RAPGEF5: variants seen among roughly 807,000 people sequenced by gnomAD.
RAPGEF5 encodes the protein Rap guanine nucleotide exchange factor 5.
Under a neutral mutation model 125.2 loss-of-function variants are expected in RAPGEF5, and 65 were observed. That is an observed-to-expected ratio of 0.52 (90% confidence interval 0.43 to 0.64). The LOEUF is 0.64. Among genes scored for constraint, RAPGEF5 ranks in the 30% least tolerant of loss-of-function variants. RAPGEF5 has a pLI of 0.00. For synonymous variants in RAPGEF5, 391 were observed against 385.9 expected, an observed-to-expected ratio of 1.01 and a Z score of -0.16; for missense variants, 958 against 1,048.1, an observed-to-expected ratio of 0.91 and a Z score of 1.19.
chr7:22,297,887 G>C lies in RAPGEF5; in HGVS notation c.681-6646C>G, dbSNP rs912828530. 2.0e-5 allele frequency among the ~76,000 whole-genome samples: 3 copies of C among 152,128 alleles called. No homozygotes were observed. In the South Asian group the frequency reaches 6.2e-4, roughly 32 times the overall value. On this transcript the variant is annotated intron_variant, in intron 5 of 25. Transcript: ENST00000665637. ...CCATTAAGTATGATGCAAGCTATGG[G>C]TTTTGTATAAAGTCTTATCAGATTG...
At chr7:22,244,712 C>G (rs1396806162) in intron 7 of RAPGEF5, among the ~76,000 whole-genome samples, 1 of 152,134 alleles carries the variant, frequency 6.6e-6, no homozygotes, top group Admixed American at 6.6e-5. Context: ...CCCCCTACCC[C>G]AGTCCGTAGA....
intron 5 of RAPGEF5, among the ~76,000 whole-genome samples, chr7:22,297,541 C>T (rs895075527): frequency 6.6e-6 from 1 of 152,160 alleles, no homozygotes. Context: ...AGATTAAAGG[C>T]CATGAATATA....
At chr7:22,291,386 A>G in intron 5 of RAPGEF5, 145 bp from the exon 6 acceptor site, 2 of 1,319,886 alleles carry the variant, frequency 1.5e-6, no homozygotes, top group South Asian at 1.6e-5. Context: ...TGTGACAGTA[A>G]CTCCATAGGA....
intron 5 of RAPGEF5, among the ~76,000 whole-genome samples, chr7:22,297,936 T>C (rs1385342712): frequency 1.3e-5 from 2 of 152,152 alleles, no homozygotes; most frequent in Non-Finnish European, 2.9e-5. Context: ...ATATTTCTAT[T>C]TTTCTGAGAA....
At chr7:22,210,819 G>T (rs1199498795) in intron 9 of RAPGEF5, among the ~76,000 whole-genome samples, 1 of 152,022 alleles carries the variant, frequency 6.6e-6, no homozygotes, top group Non-Finnish European at 1.5e-5. Context: ...ATGTAGGAGG[G>T]AAATGCTGGA....
chr7:22,316,221 T>C (rs530482765), intron 2 of RAPGEF5, among the ~76,000 whole-genome samples: 2 of 152,060 alleles, frequency 1.3e-5, no homozygotes, highest in South Asian at 4.2e-4. Flanking sequence ...CACAATGCTG[T>C]TTCACAAGCA....
At chr7:22,349,920 T>C (rs1784297626) in intron 1 of RAPGEF5, among the ~76,000 whole-genome samples, 1 of 152,198 alleles carries the variant, frequency 6.6e-6, no homozygotes. Context: ...CAGGGGACTC[T>C]GGAGGTTTCA....
chr7:22,204,175 T>C (rs1190427643), intron 9 of RAPGEF5, among the ~76,000 whole-genome samples: 2 of 152,212 alleles, frequency 1.3e-5, no homozygotes, highest in African/African-American at 2.4e-5. Flanking sequence ...CTGGTTCCTA[T>C]GGCTTTGACT....
At chr7:22,244,307 G>A (rs1224441216) in intron 7 of RAPGEF5, among the ~76,000 whole-genome samples, 1 of 152,066 alleles carries the variant, frequency 6.6e-6, no homozygotes, top group South Asian at 2.1e-4. Context: ...TAATGCAGAA[G>A]TCTTCAACCC....
rs1208241405 is a variant in RAPGEF5, at chr7:22,122,280, G to A, written c.*126C>T. 2.7e-6 allele frequency: 2 copies of A among 727,794 alleles called. No homozygotes were observed. The highest frequency in any genetic ancestry group is 4.5e-6 in the Non-Finnish European group (2 of 448,692). 45.1% of individuals were successfully genotyped at this position (727,794 alleles called of 1,614,324 possible). A position where few individuals can be genotyped will look rare whatever the true frequency, so the allele number is the denominator to read the frequency against. On this transcript the variant is annotated 3_prime_UTR_variant, in exon 26 of 26. Coordinates refer to ENST00000665637, the MANE Select transcript of RAPGEF5 (RefSeq NM_012294.5). ...TGAACACGCTTTGGCTGGCTTTCCTGTGAATGTCTTGGGTTATACTGATAA... is the reference window on the plus strand; with the variant it reads ...TGAACACGCTTTGGCTGGCTTTCCTATGAATGTCTTGGGTTATACTGATAA...
At chr7:22,287,878 T>C (rs943457955) in intron 6 of RAPGEF5, among the ~76,000 whole-genome samples, 1 of 152,204 alleles carries the variant, frequency 6.6e-6, no homozygotes, top group African/African-American at 2.4e-5. Context: ...CCACTCATCT[T>C]GGCCAAGGTC....
intron 1 of RAPGEF5, among the ~76,000 whole-genome samples, chr7:22,320,402 T>C (rs979830920): frequency 1.1e-4 from 17 of 152,120 alleles, no homozygotes; most frequent in African/African-American, 1.9e-4. Context: ...GAAAAGAACA[T>C]GGGGAATATT....
At chr7:22,149,044 G>C (rs1268184021) in intron 18 of RAPGEF5, among the ~76,000 whole-genome samples, 1 of 152,186 alleles carries the variant, frequency 6.6e-6, no homozygotes, top group Non-Finnish European at 1.5e-5. Context: ...GAAATGTGCA[G>C]GGGCTTCAGA....
At chr7:22,316,477 ATATATATATATATTTTTTT>A (rs1184835668) in intron 2 of RAPGEF5, among the ~76,000 whole-genome samples, 4 of 59,084 alleles carry the variant, frequency 6.8e-5, no homozygotes, top group Admixed American at 1.7e-4. Flanking sequence ...ATATATATAT[ATATATATATATATTTTTTT>A]TTTTTTTTTT....
chr7:22,136,919 G>T lies in RAPGEF5; in HGVS notation c.2328+14C>A. 1 of 1,558,004 alleles carries T rather than the reference G, an allele frequency of 6.4e-7. No individual in the cohort carries two copies. The highest frequency in any genetic ancestry group is 1.2e-5 in the South Asian group (1 of 86,386). On this transcript the variant is annotated intron_variant, in intron 22 of 25. Coordinates refer to ENST00000665637, the MANE Select transcript of RAPGEF5 (RefSeq NM_012294.5). ...TATTTTGAAGAATAAGTCCCCTTTG[G>T]CTCAACTACTTACTGTTAAACTTTC...
At chr7:22,284,078 T>G (rs1363257432) in intron 6 of RAPGEF5, among the ~76,000 whole-genome samples, 1 of 144,390 alleles carries the variant, frequency 6.9e-6, no homozygotes, top group Non-Finnish European at 1.5e-5. Context: ...TGTGTGTGTG[T>G]GTGTGTGTGT....
At chr7:22,352,060 T>C (rs1239067659) in intron 1 of RAPGEF5, among the ~76,000 whole-genome samples, 1 of 152,178 alleles carries the variant, frequency 6.6e-6, no homozygotes, top group African/African-American at 2.4e-5. Flanking sequence ...ATCCAAAAGC[T>C]GGGAATCACT....
chr7:22,180,787 T>C (rs922061458), intron 11 of RAPGEF5, among the ~76,000 whole-genome samples: 1 of 152,096 alleles, frequency 6.6e-6, no homozygotes, highest in South Asian at 2.1e-4. Flanking sequence ...TACTTAACAA[T>C]ATTAATTCAT....
intron 7 of RAPGEF5, among the ~76,000 whole-genome samples, chr7:22,263,774 AT>A (rs201253296): frequency 0.01 from 1,581 of 152,080 alleles, 25 homozygotes; most frequent in African/African-American, 0.036. Context: ...AAAGAAAAAA[AT>A]AATTGGAAAT....
Sources: gnomAD v4.1 joint callset for allele counts (sites outside exome capture counted in the v4.1 genomes callset) on GRCh38, gnomAD v4.1.1 for gene constraint, MANE v1.5 for transcripts, NCBI Gene and HGNC (gene_info 2026-07-23, HGNC 2026-07-21) for gene names.